The following OPTN variants were observed in gnomAD, a reference collection of about 807,000 sequenced individuals.
OPTN encodes the protein E3-14.7K-interacting protein.
In OPTN, 54 loss-of-function variants were observed where a neutral mutation model predicts 70.4. The observed-to-expected ratio is 0.77, with a 90% CI of 0.62 to 0.96. OPTN has a LOEUF of 0.96. OPTN is among the 40% of genes least tolerant of loss of function. The pLI is 0.00. For synonymous variants in OPTN, 256 were observed against 248.5 expected, an observed-to-expected ratio of 1.03 and a Z score of -0.28; for missense variants, 624 against 673.2, an observed-to-expected ratio of 0.93 and a Z score of 0.81.
intron 1 of OPTN, among the ~76,000 whole-genome samples, chr10:13,106,896 G>A (rs1832877161): frequency 6.6e-6 from 1 of 152,110 alleles, no homozygotes; most frequent in Non-Finnish European, 1.5e-5. Flanking sequence ...GTTCACACAG[G>A]CTCCATAGTC....
At chr10:13,115,016 G>T (rs1176418203) in intron 5 of OPTN, among the ~76,000 whole-genome samples, 32 of 70,978 alleles carry the variant, frequency 4.5e-4, no homozygotes, top group South Asian at 9.3e-4. Flanking sequence ...TATATATATA[G>T]ATATATCTAT....
At position 13,112,562 on chromosome 10, in the gene OPTN, TC is replaced by T. The variant is rs747304713; in HGVS notation, c.480del (p.Ile160MetfsTer9). 1.2e-6 allele frequency: 2 copies of T among 1,614,116 alleles called. No individual in the cohort carries two copies. On this transcript the variant is annotated frameshift_variant, in exon 5 of 15. Coordinates refer to ENST00000378747, the MANE Select transcript of OPTN (RefSeq NM_001008212.2). LOFTEE classifies it high-confidence loss of function. ...LQAEKADLLG[I>X]VSELQLKLNS... ...GCAGAGAAGGCAGACCTGTTGGGCA[TC>T]GTGTCTGAACTGCAGCTCAAGCTGA...
chr10:13,116,112 T>A (rs909397799), intron 5 of OPTN, among the ~76,000 whole-genome samples, 155 bp from the exon 6 acceptor site: 12 of 152,206 alleles, frequency 7.9e-5, no homozygotes, highest in African/African-American at 2.9e-4. Flanking sequence ...CCATTTCCTC[T>A]GAGCCACCCC....
rs747365111 is a variant in OPTN, at chr10:13,124,062, A to G, written c.950A>G (p.His317Arg). The G allele has an allele frequency of 1.2e-6, 2 of 1,613,908 alleles. No homozygotes were observed. The highest frequency in any genetic ancestry group is 2.2e-5 in the East Asian group (1 of 44,868). Residue 317 changes from histidine (H) to arginine (R), a missense_variant, in exon 9 of 15, where the codon CAT becomes CGT. Transcript: ENST00000378747. Reference sequence around the variant, plus strand: ...CTGTTTAAGGAGCTTCAAGAGGCTCATACAAAACTCAGCGAAGCTGAGCTA... The same window carrying G: ...CTGTTTAAGGAGCTTCAAGAGGCTCGTACAAAACTCAGCGAAGCTGAGCTA... ...TSLFKELQEA[H>R]TKLSEAELMK...
At chr10:13,117,890 C>T (rs1403423583) in intron 6 of OPTN, among the ~76,000 whole-genome samples, 2 of 152,212 alleles carry the variant, frequency 1.3e-5, no homozygotes, top group Non-Finnish European at 1.5e-5. Flanking sequence ...AATATTCTTT[C>T]GTCAAACACA....
chr10:13,122,443 G>A lies in OPTN; in HGVS notation c.838G>A (p.Gly280Arg). 6.2e-7 allele frequency: 1 copy of A among 1,614,020 alleles called. No individual in the cohort carries two copies. The highest frequency in any genetic ancestry group is 8.5e-7 in the Non-Finnish European group (1 of 1,179,960). The change falls in exon 8 of 15, where the codon GGG (glycine) becomes AGG (arginine). Residue 280 changes from glycine to arginine, a missense_variant. Gly to Arg is a moderately radical substitution (Grantham distance 125). Coordinates refer to ENST00000378747, the MANE Select transcript of OPTN (RefSeq NM_001008212.2). ...NRSEIETQTE[G>R]STEKENDEEK... ...TTCTGAGATTGAAACCCAGACAGAG[G>A]GGAGCACAGAGAAAGAGAATGATGA...
In OPTN at chr10:13,104,234, A is replaced by C. The variant is rs555783047; in HGVS notation, c.-163-3904A>C. On this transcript the variant is annotated intron_variant, in intron 1 of 14. Transcript: ENST00000378747. The stretch of plus-strand genomic sequence containing the variant: ...AGTGCCCTTTGAGTCATCCAAAATC[A>C]GTTAAATTAGTTTTTTTTTCTTTTT... Among the ~76,000 whole-genome samples, 14 of 148,856 alleles carry C rather than the reference A, an allele frequency of 9.4e-5. 1 individual carries two copies. In the East Asian group the frequency reaches 2.8e-3, roughly 30 times the overall value.
chr10:13,133,804 TTTTC>T (rs1217825545), intron 14 of OPTN, among the ~76,000 whole-genome samples: 1 of 151,770 alleles, frequency 6.6e-6, no homozygotes. Flanking sequence ...CGGCCACACT[TTTTC>T]TTTTTTTTCT....
At chr10:13,102,947 T>TA (rs71386153) in intron 1 of OPTN, among the ~76,000 whole-genome samples, 74,435 of 146,768 alleles carry the variant, frequency 0.51, 19,183 homozygotes, top group Non-Finnish European at 0.58. Flanking sequence ...AGTCTTAATT[T>TA]AAAAAAAAAA....
chr10:13,123,846 A>G, intron 8 of OPTN, 149 bp from the exon 9 acceptor site: 1 of 665,626 alleles, frequency 1.5e-6, no homozygotes, highest in South Asian at 1.7e-5. Flanking sequence ...TTCTTTTCCT[A>G]CACAATGTTT....
rs146906502 is a variant in OPTN at position 13,124,422 on chromosome 10, AT to A, written c.998+314del. On this transcript the variant is annotated intron_variant, in intron 9 of 14. Coordinates refer to ENST00000378747, the MANE Select transcript of OPTN (RefSeq NM_001008212.2). ...CCTGTTACTGACTTAAGCTGATGACATTGATGTGAGTAAGCATAAAGAAAGA... is the reference window on the plus strand; with the variant it reads ...CCTGTTACTGACTTAAGCTGATGACATGATGTGAGTAAGCATAAAGAAAGA... Among the ~76,000 whole-genome samples, 627 of 152,326 alleles carry A rather than the reference AT, an allele frequency of 4.1e-3. 5 individuals are homozygous for A. The highest frequency in any genetic ancestry group is 0.014 in the African/African-American group (570 of 41,574).
chr10:13,103,140 G>A (rs1259828817), intron 1 of OPTN, among the ~76,000 whole-genome samples: 1 of 152,050 alleles, frequency 6.6e-6, no homozygotes, highest in African/African-American at 2.4e-5. Flanking sequence ...CTTCTAGTGT[G>A]TAATGACGAG....
At chr10:13,115,497 TAATATAG>T (rs1833176247) in intron 5 of OPTN, among the ~76,000 whole-genome samples, 2 of 98,210 alleles carry the variant, frequency 2.0e-5, no homozygotes, top group African/African-American at 5.4e-5. Flanking sequence ...CTATATTATA[TAATATAG>T]AATATATATA....
intron 3 of OPTN, 193 bp downstream of exon 3, chr10:13,109,481 A>G (rs1452450678): frequency 1.7e-6 from 1 of 594,808 alleles, no homozygotes; most frequent in African/African-American, 1.9e-5. Context: ...AGGTACAAGT[A>G]AAAACTGTGT....
chr10:13,116,076 G>A (rs538745006), intron 5 of OPTN, among the ~76,000 whole-genome samples, 191 bp from the exon 6 acceptor site: 2 of 152,266 alleles, frequency 1.3e-5, no homozygotes, highest in Admixed American at 6.5e-5. Context: ...CCGACAGGGC[G>A]TGCCAGGTGA....
intron 2 of OPTN, among the ~76,000 whole-genome samples, chr10:13,108,641 G>T (rs1323688123): frequency 6.6e-6 from 1 of 151,728 alleles, no homozygotes; most frequent in Non-Finnish European, 1.5e-5. Context: ...CTGCCTCCCG[G>T]GTTCACGCCA....
At chr10:13,112,999 C>G (rs1445551736) in intron 5 of OPTN, among the ~76,000 whole-genome samples, 1 of 151,892 alleles carries the variant, frequency 6.6e-6, no homozygotes, top group African/African-American at 2.4e-5. Context: ...CTTAAGGGAG[C>G]GCAAACATAT....
At chr10:13,127,694 A>G in intron 11 of OPTN, 51 bp from the exon 12 acceptor site, 1 of 1,585,534 alleles carries the variant, frequency 6.3e-7, no homozygotes. Context: ...TTTTACTAAA[A>G]CAGGCAGAAT....
In OPTN at chr10:13,114,786, T is replaced by TTATATATACGTA. The variant is rs1564358683; in HGVS notation, c.553-1475_553-1474insTACGTATATATA. 6.1e-3 allele frequency among the ~76,000 whole-genome samples: 629 copies of TTATATATACGTA among 103,652 alleles called. 34 individuals carry two copies. The highest frequency in any genetic ancestry group is 0.022 in the African/African-American group (565 of 25,554). 68.0% of individuals were successfully genotyped at this position (103,652 alleles called of 152,430 possible). On this transcript the variant is annotated intron_variant, in intron 5 of 14. Coordinates refer to ENST00000378747, the MANE Select transcript of OPTN (RefSeq NM_001008212.2). ...CATATATAATTATATAATTATATAA[T>TTATATATACGTA]TATATAATTATATATACATATATAT...
Sources: gnomAD v4.1 joint callset for allele counts (sites outside exome capture counted in the v4.1 genomes callset) on GRCh38, gnomAD v4.1.1 for gene constraint, MANE v1.5 for transcripts, NCBI Gene and HGNC (gene_info 2026-07-23, HGNC 2026-07-21) for gene names.